RPS6KB1: variants seen among roughly 807,000 people sequenced by gnomAD.
RPS6KB1 encodes ribosomal protein S6 kinase B1.
RPS6KB1 carries 12 observed loss-of-function variants against 70.2 expected under a neutral mutation model. That is an observed-to-expected ratio of 0.17 (90% CI 0.11 to 0.28). The LOEUF (loss-of-function observed/expected upper bound fraction) is 0.28. RPS6KB1 is among the 10% of genes least tolerant of loss of function. The pLI is 1.00. For missense variants in RPS6KB1, 270 were observed against 646.6 expected, an observed-to-expected ratio of 0.42 and a Z score of 6.32; for synonymous variants, 175 against 211.2, an observed-to-expected ratio of 0.83 and a Z score of 1.49.
chr17:59,907,562 G>A (rs1243295814), intron 1 of RPS6KB1, among the ~76,000 whole-genome samples: 1 of 147,398 alleles, frequency 6.8e-6, no homozygotes, highest in African/African-American at 2.5e-5. Flanking sequence ...TTTTGAGACA[G>A]GGTCTCACTC....
rs566251547 is a variant in RPS6KB1 at position 59,899,118 on chromosome 17, C to T, written c.141+5793C>T. On this transcript the variant is annotated intron_variant, in intron 1 of 14. Coordinates refer to ENST00000225577, the MANE Select transcript of RPS6KB1 (RefSeq NM_003161.4). ...ACTCGGGAGGCTGAGGCAGGAGAATCACTTGAACCTGGGAGGCAGAGGTTG... is the reference window on the plus strand; with the variant it reads ...ACTCGGGAGGCTGAGGCAGGAGAATTACTTGAACCTGGGAGGCAGAGGTTG... Among the ~76,000 whole-genome samples the T allele has an allele frequency of 2.0e-5, 3 of 151,408 alleles. No individual in the cohort carries two copies. In the East Asian group the frequency reaches 5.9e-4, roughly 30 times the overall value.
intron 5 of RPS6KB1, among the ~76,000 whole-genome samples, chr17:59,928,289 C>T (rs1236272282): frequency 6.6e-6 from 1 of 152,076 alleles, no homozygotes; most frequent in African/African-American, 2.4e-5. Context: ...TATATACATG[C>T]ATGCATACAT....
Position 59,934,356 on chromosome 17 carries a change from G to C in RPS6KB1, c.780-78G>C, listed in dbSNP as rs2044115900. 1 of 1,472,324 alleles carries C rather than the reference G, an allele frequency of 6.8e-7. No homozygotes were observed. The highest frequency in any genetic ancestry group is 1.7e-5 in the Admixed American group (1 of 59,350). The allele number at this position is 1,472,324 out of a possible 1,614,324, so 91.2% of individuals were successfully genotyped here. A position where few individuals can be genotyped will look rare whatever the true frequency, so the allele number is the denominator to read the frequency against. Reference sequence around the variant, plus strand: ...TGTTTTCTGTACCCTCATTGACTCTGTATATTGTTTTTAAAATTCTAATTC... The same window carrying C: ...TGTTTTCTGTACCCTCATTGACTCTCTATATTGTTTTTAAAATTCTAATTC... On this transcript the variant is annotated intron_variant, in intron 8 of 14. Coordinates refer to ENST00000225577, the MANE Select transcript of RPS6KB1 (RefSeq NM_003161.4). This position sits in a 1 kb window ranked among gnomAD's most constrained non-coding sequence, Gnocchi z 4.8.
At position 59,893,126 on chromosome 17, in the gene RPS6KB1, G is replaced by A; in HGVS notation, c.-59G>A. ...TCTAAGGCCTAGGCGCAGACGCACTGAGCCTAAGCAGCCGGTGATGGCGGC... is the reference window on the plus strand; with the variant it reads ...TCTAAGGCCTAGGCGCAGACGCACTAAGCCTAAGCAGCCGGTGATGGCGGC... On this transcript the variant is annotated 5_prime_UTR_variant, in exon 1 of 15. Transcript: ENST00000225577. The surrounding 1 kb of genome is among the most constrained non-coding windows in gnomAD (Gnocchi z 4.1). 6.3e-7 allele frequency: 1 copy of A among 1,582,572 alleles called. No homozygotes were observed. Among genetic ancestry groups the A allele is most frequent in the Non-Finnish European group, 8.6e-7 (1 of 1,164,848 alleles).
chr17:59,939,516 A>G (rs1351836225), intron 12 of RPS6KB1, among the ~76,000 whole-genome samples: 2 of 148,186 alleles, frequency 1.3e-5, no homozygotes, highest in South Asian at 4.3e-4. Context: ...CTGAGCTCAA[A>G]AGCAATCCAC....
chr17:59,945,464 A>G lies in RPS6KB1; in HGVS notation c.1286A>G (p.Glu429Gly). Reference protein sequence around the residue: ...LESVKEKFSFEPKIRSPRRFI... With the variant: ...LESVKEKFSFGPKIRSPRRFI... ...AGTGTGAAAGAAAAGTTTTCCTTTG[A>G]ACCAAAAATCCGATCACCTCGAAGA... The change falls in exon 14 of 15, where the codon GAA (glutamate) becomes GGA (glycine). Residue 429 changes from glutamate (E) to glycine (G), a missense_variant. By Grantham distance (98) the Glu-to-Gly change is moderately conservative. Around this residue, in one of 4 missense-constraint regions of RPS6KB1, gnomAD observed 133 missense variants for 314.7 expected, o/e 0.42. Transcript: ENST00000225577. 6 of 1,613,336 alleles carry G rather than the reference A, an allele frequency of 3.7e-6. No individual in the cohort carries two copies. Among genetic ancestry groups the G allele is most frequent in the Non-Finnish European group, 5.1e-6 (6 of 1,179,308 alleles).
Position 59,947,002 on chromosome 17 carries a change from G to A in RPS6KB1, c.*214G>A. ...GCAAAATAGTATTGCTGAACTCTTAGGCACATCAATTAATTGATTCCTCGC... is the reference window on the plus strand; with the variant it reads ...GCAAAATAGTATTGCTGAACTCTTAAGCACATCAATTAATTGATTCCTCGC... On this transcript the variant is annotated 3_prime_UTR_variant, in exon 15 of 15. Transcript: ENST00000225577. The A allele has an allele frequency of 1.4e-6, 2 of 1,386,860 alleles. No individual in the cohort carries two copies. The allele number at this position is 1,386,860 out of a possible 1,614,324, so 85.9% of individuals were successfully genotyped here.
At position 59,934,124 on chromosome 17, in the gene RPS6KB1, ATACT is replaced by A. The variant is rs1316646819; in HGVS notation, c.689-43_689-40del. 23 of 1,203,176 alleles carry A rather than the reference ATACT, an allele frequency of 1.9e-5. No homozygotes were observed. The highest frequency in any genetic ancestry group is 2.9e-5 in the Non-Finnish European group (23 of 805,444). 74.5% of individuals were successfully genotyped at this position (1,203,176 alleles called of 1,614,324 possible). A position where few individuals can be genotyped will look rare whatever the true frequency, so the allele number is the denominator to read the frequency against. On this transcript the variant is annotated intron_variant, in intron 7 of 14. Transcript: ENST00000225577. This position sits in a 1 kb window ranked among gnomAD's most constrained non-coding sequence, Gnocchi z 4.8. Reference sequence around the variant, plus strand: ...TATGTGACATGTTCAAACACTGCACATACTTATAATTCGGAGAATAATCATGCTG... The same window carrying A: ...TATGTGACATGTTCAAACACTGCACATATAATTCGGAGAATAATCATGCTG...
At chr17:59,896,413 G>A (rs754942650) in intron 1 of RPS6KB1, among the ~76,000 whole-genome samples, 57 of 151,924 alleles carry the variant, frequency 3.8e-4, no homozygotes, top group South Asian at 8.3e-4. Context: ...AGGCTGGTCC[G>A]GAACTTCCAA....
At position 59,914,672 on chromosome 17, in the gene RPS6KB1, G is replaced by C; in HGVS notation, c.350G>C (p.Gly117Ala). The C allele has an allele frequency of 6.2e-7, 1 of 1,612,440 alleles. No homozygotes were observed. Among genetic ancestry groups the C allele is most frequent in the Non-Finnish European group, 8.5e-7 (1 of 1,179,598 alleles). Reference protein sequence around the residue: ...QVRKVTGANTGKIFAMKVLKK... With the variant: ...QVRKVTGANTAKIFAMKVLKK... ...CGAAAAGTAACAGGAGCAAATACTG[G>C]GAAAATATTTGCCATGAAGGTGCTT... The change falls in exon 4 of 15, where the codon GGG becomes GCG. Residue 117 changes from glycine (G) to alanine (A), a missense_variant. Around this residue, in one of 4 missense-constraint regions of RPS6KB1, gnomAD observed 44 missense variants for 102.5 expected, o/e 0.43. Coordinates refer to ENST00000225577, the MANE Select transcript of RPS6KB1 (RefSeq NM_003161.4).
At position 59,906,409 on chromosome 17, in the gene RPS6KB1, C is replaced by T. The variant is rs1004415726; in HGVS notation, c.142-4153C>T. On this transcript the variant is annotated intron_variant, in intron 1 of 14. Transcript: ENST00000225577. Reference sequence around the variant, plus strand: ...ACAGAGTCTAGCTTTGTTGCCCAGGCTGGAGTGTGCAGTGGCGCGATCTCG... The same window carrying T: ...ACAGAGTCTAGCTTTGTTGCCCAGGTTGGAGTGTGCAGTGGCGCGATCTCG... Among the ~76,000 whole-genome samples, 10 of 152,258 alleles carry T rather than the reference C, an allele frequency of 6.6e-5. No individual in the cohort carries two copies. The South Asian group carries it at 1.9e-3, about 28-fold the overall frequency.
intron 1 of RPS6KB1, among the ~76,000 whole-genome samples, chr17:59,894,206 C>T (rs2041357064): frequency 6.6e-6 from 1 of 152,038 alleles, no homozygotes; most frequent in South Asian, 2.1e-4. Context: ...ATTGTATTTC[C>T]TAATGCATAG....
chr17:59,894,598 C>T (rs2041404301), intron 1 of RPS6KB1, among the ~76,000 whole-genome samples: 1 of 152,102 alleles, frequency 6.6e-6, no homozygotes. Flanking sequence ...TACTGTTCTT[C>T]TTGTTTGTTT....
In RPS6KB1 at chr17:59,934,343, C is replaced by T; in HGVS notation, c.779+83C>T. The T allele has an allele frequency of 2.1e-6, 3 of 1,443,512 alleles. No homozygotes were observed. In the Admixed American group the frequency reaches 5.1e-5, roughly 24 times the overall value. 89.4% of individuals were successfully genotyped at this position (1,443,512 alleles called of 1,614,324 possible). On this transcript the variant is annotated intron_variant, in intron 8 of 14. Transcript: ENST00000225577. This position sits in a 1 kb window ranked among gnomAD's most constrained non-coding sequence, Gnocchi z 4.8. Reference sequence around the variant, plus strand: ...AAGGAATAGTATCTGTTTTCTGTACCCTCATTGACTCTGTATATTGTTTTT... The same window carrying T: ...AAGGAATAGTATCTGTTTTCTGTACTCTCATTGACTCTGTATATTGTTTTT...
rs936486435 is a variant in RPS6KB1 at position 59,947,796 on chromosome 17, C to T, written c.*1008C>T. ...CAGGATAAAAAATACATACTGTGGT[C>T]GGCAAGGTGAGGGAGATAGGGATAT... On this transcript the variant is annotated 3_prime_UTR_variant, in exon 15 of 15. Coordinates refer to ENST00000225577, the MANE Select transcript of RPS6KB1 (RefSeq NM_003161.4). The T allele has an allele frequency of 7.7e-6, 4 of 518,956 alleles. No homozygotes were observed. Among genetic ancestry groups the T allele is most frequent in the African/African-American group, 5.9e-5 (3 of 50,824 alleles). 32.1% of individuals were successfully genotyped at this position (518,956 alleles called of 1,614,324 possible).
intron 1 of RPS6KB1, among the ~76,000 whole-genome samples, chr17:59,897,462 G>A (rs187995199): frequency 6.6e-6 from 1 of 152,100 alleles, no homozygotes; most frequent in African/African-American, 2.4e-5. Flanking sequence ...TCGAGGTGCT[G>A]TATTTTTACA....
chr17:59,920,563 T>A (rs972757986), intron 4 of RPS6KB1, among the ~76,000 whole-genome samples: 2 of 152,214 alleles, frequency 1.3e-5, no homozygotes, highest in African/African-American at 4.8e-5. Context: ...TGGGTTGACA[T>A]TGATATCAGC....
intron 1 of RPS6KB1, among the ~76,000 whole-genome samples, chr17:59,895,991 C>A (rs2041533912): frequency 1.3e-5 from 2 of 152,136 alleles, no homozygotes; most frequent in South Asian, 4.1e-4. Flanking sequence ...CTTAATCGAA[C>A]ATAATGGTAC....
chr17:59,912,811 A>G lies in RPS6KB1; in HGVS notation c.312+7A>G. 6.2e-7 allele frequency: 1 copy of G among 1,613,530 alleles called. No individual in the cohort carries two copies. The highest frequency in any genetic ancestry group is 8.5e-7 in the Non-Finnish European group (1 of 1,179,696). ...TAAAGGGGGCTATGGAAAGGTAGGC[A>G]ATATTTTTGAAATGAGAGCTGTTGT... On this transcript the variant is annotated splice_region_variant and intron_variant, in intron 3 of 14. Transcript: ENST00000225577.
Sources: allele counts gnomAD v4.1 joint callset (sites outside exome capture counted in the v4.1 genomes callset), GRCh38; gene constraint gnomAD v4.1.1; regional missense constraint gnomAD v4.1.1; non-coding constraint Gnocchi (gnomAD v3.1); transcripts MANE v1.5; gene names NCBI Gene and HGNC (gene_info 2026-07-23, HGNC 2026-07-21).